COPS3: variants seen among roughly 807,000 people sequenced by gnomAD.
COPS3 encodes COP9 signalosome complex subunit 3.
COPS3 carries 10 observed loss-of-function variants against 58.2 expected under a neutral mutation model. The observed-to-expected ratio is 0.17, with a 90% CI of 0.11 to 0.29. The LOEUF (loss-of-function observed/expected upper bound fraction) is 0.29, where lower values mean the gene tolerates loss of function less well. COPS3 is among the 10% of genes least tolerant of loss of function. The pLI, the probability that COPS3 is intolerant of heterozygous loss-of-function variation, is 1.00. For missense variants in COPS3, 333 were observed against 510.1 expected (o/e 0.65, Z 3.34); for synonymous variants, 187 against 181.7 (o/e 1.03, Z -0.24).
At chr17:17,260,724 A>G in intron 7 of COPS3, 1 of 249,456 alleles carries the variant, frequency 4.0e-6, no homozygotes, top group South Asian at 6.7e-5. Context: ...AATCGCTTGA[A>G]CCCAGGAGGT....
chr17:17,255,120 T>A (rs1313003211), intron 8 of COPS3, 175 bp from the exon 9 acceptor site: 1 of 490,710 alleles, frequency 2.0e-6, no homozygotes, highest in Non-Finnish European at 3.7e-6. Flanking sequence ...GCTAACATGG[T>A]GAAACCCTGT....
At chr17:17,263,566 T>C (rs1416435111) in intron 6 of COPS3, among the ~76,000 whole-genome samples, 1 of 137,996 alleles carries the variant, frequency 7.2e-6, no homozygotes, top group Admixed American at 8.1e-5. Context: ...CAAGCTGGAG[T>C]GCAATGGCAC....
chr17:17,272,029 C>G (rs2048364826), intron 2 of COPS3, among the ~76,000 whole-genome samples: 1 of 151,616 alleles, frequency 6.6e-6, no homozygotes, highest in Non-Finnish European at 1.5e-5. Flanking sequence ...AGCCTGTAAT[C>G]CCAGCACTAC....
In COPS3 at chr17:17,254,814, G is replaced by GAAAAAA. The variant is rs71152853; in HGVS notation, c.1023+39_1023+44dup. On this transcript the variant is annotated intron_variant, in intron 9 of 11. Transcript: ENST00000268717. The stretch of plus-strand genomic sequence containing the variant: ...ACAGAGCGAGACTCCATCTCAAAAA[G>GAAAAAA]AAAAAAAAAAAAAAAAAAGAAAAAG... The GAAAAAA allele has an allele frequency of 2.9e-3, 2,378 of 821,478 alleles. 8 individuals are homozygous for GAAAAAA. The highest frequency in any genetic ancestry group is 9.7e-3 in the South Asian group (517 of 53,540). The allele number at this position is 821,478 out of a possible 1,614,324, so 50.9% of individuals were successfully genotyped here. A position where few individuals can be genotyped will look rare whatever the true frequency, so the allele number is the denominator to read the frequency against.
chr17:17,266,090 G>A (rs573761636), intron 5 of COPS3, among the ~76,000 whole-genome samples: 50 of 152,234 alleles, frequency 3.3e-4, no homozygotes, highest in South Asian at 1.2e-3. Flanking sequence ...ACATTAAAAA[G>A]CACATCTTCA....
intron 4 of COPS3, among the ~76,000 whole-genome samples, chr17:17,270,013 G>A (rs914699981): frequency 2.6e-5 from 4 of 152,096 alleles, no homozygotes; most frequent in African/African-American, 9.7e-5. Context: ...AAAATTAGCT[G>A]GGCGTGGCAG....
intron 5 of COPS3, among the ~76,000 whole-genome samples, chr17:17,267,263 G>A (rs1027664620): frequency 2.6e-5 from 4 of 151,194 alleles, no homozygotes; most frequent in Non-Finnish European, 5.9e-5. Context: ...GCGTGAACCC[G>A]GGAGGCGGAG....
chr17:17,252,257 CA>C (rs906465737), intron 9 of COPS3, among the ~76,000 whole-genome samples: 1 of 151,170 alleles, frequency 6.6e-6, no homozygotes, highest in South Asian at 2.1e-4. Flanking sequence ...AACAAACAAA[CA>C]AAAAAAAACC....
At chr17:17,278,391 T>C (rs1450718655) in intron 1 of COPS3, among the ~76,000 whole-genome samples, 1 of 152,232 alleles carries the variant, frequency 6.6e-6, no homozygotes, top group Non-Finnish European at 1.5e-5. Flanking sequence ...CAAGTGACTA[T>C]AGCTAGGTAC....
At chr17:17,254,641 C>T (rs1597664197) in intron 9 of COPS3, among the ~76,000 whole-genome samples, 1 of 151,790 alleles carries the variant, frequency 6.6e-6, no homozygotes, top group East Asian at 2.0e-4. Flanking sequence ...GAAACCCCAT[C>T]TCTACTAAAA....
At position 17,267,903 on chromosome 17, in the gene COPS3, T is replaced by G; in HGVS notation, c.423A>C (p.Ile141=). ...MQMNTNQLTS[I]HADLCQLCLL... ...TGCTTACCTGGCAGAGATCAGCATG[T>G]ATTGAGGTCAGCTGGTTTGTATTCA... The change falls in exon 5 of 12, where the codon ATA becomes ATC. Residue 141 remains isoleucine (I), a synonymous_variant. Transcript: ENST00000268717. The G allele has an allele frequency of 1.2e-6, 2 of 1,614,034 alleles. No individual in the cohort carries two copies. Among genetic ancestry groups the G allele is most frequent in the Non-Finnish European group, 1.7e-6 (2 of 1,179,946 alleles).
At chr17:17,255,876 A>AAATC (rs2047962765) in intron 8 of COPS3, among the ~76,000 whole-genome samples, 1 of 147,992 alleles carries the variant, frequency 6.8e-6, no homozygotes, top group South Asian at 2.1e-4. Flanking sequence ...ATAAATAAAT[A>AAATC]AATAACTGAT....
intron 5 of COPS3, among the ~76,000 whole-genome samples, chr17:17,265,679 G>A (rs558954882): frequency 1.3e-5 from 2 of 152,126 alleles, no homozygotes; most frequent in African/African-American, 2.4e-5. Flanking sequence ...GATTACAGGC[G>A]TGAGCCACCT....
At chr17:17,258,342 A>C (rs1249444830) in intron 8 of COPS3, among the ~76,000 whole-genome samples, 3 of 152,158 alleles carry the variant, frequency 2.0e-5, no homozygotes, top group African/African-American at 7.2e-5. Context: ...TTTGTCCCCC[A>C]GACTGGAGTG....
chr17:17,262,913 T>G (rs1187583767), intron 6 of COPS3, among the ~76,000 whole-genome samples: 1 of 151,408 alleles, frequency 6.6e-6, no homozygotes, highest in African/African-American at 2.4e-5. Flanking sequence ...TGTCTTTTTA[T>G]TTTTGAGGAC....
intron 10 of COPS3, 80 bp from the exon 11 acceptor site, chr17:17,247,640 G>A: frequency 7.4e-7 from 1 of 1,354,050 alleles, no homozygotes; most frequent in Middle Eastern, 2.2e-4. Context: ...CTGTTCACAA[G>A]GGTGCTATAG....
rs1375018391 is a variant in COPS3, at chr17:17,260,421, G to A, written c.816C>T (p.Pro272=). The change falls in exon 8 of 12, where the codon CCC becomes CCT. Residue 272 remains proline (P), a synonymous_variant. Coordinates refer to ENST00000268717, the MANE Select transcript of COPS3 (RefSeq NM_003653.4). ...ELAQVYSTNN[P]SELRNLVNKH... ...TATTCACCAGGTTTCGGAGTTCTGA[G>A]GGGTTGTTGGTTGAATACACTTGTG... The A allele has an allele frequency of 1.2e-6, 2 of 1,614,192 alleles. No individual in the cohort carries two copies. Among genetic ancestry groups the A allele is most frequent in the East Asian group, 2.2e-5 (1 of 44,890 alleles).
chr17:17,261,822 C>A (rs1736210), intron 7 of COPS3, 144 bp downstream of exon 7: 307,225 of 650,100 alleles, frequency 0.47, 77,913 homozygotes, highest in East Asian at 0.63. Flanking sequence ...GAATGTGTAG[C>A]AGACATTCAA....
At chr17:17,256,253 T>G (rs1244773712) in intron 8 of COPS3, among the ~76,000 whole-genome samples, 1 of 152,030 alleles carries the variant, frequency 6.6e-6, no homozygotes, top group African/African-American at 2.4e-5. Context: ...GAAAAATAAT[T>G]TTATATATAT....
Sources: allele counts gnomAD v4.1 joint callset (sites outside exome capture counted in the v4.1 genomes callset), GRCh38; gene constraint gnomAD v4.1.1; transcripts MANE v1.5; gene names NCBI Gene and HGNC (gene_info 2026-07-23, HGNC 2026-07-21).